The following NDST3 variants were observed in gnomAD, a reference collection of about 807,000 sequenced individuals.
NDST3 encodes bifunctional heparan sulfate N-deacetylase/N-sulfotransferase 3.
Under a neutral mutation model 96.1 loss-of-function variants are expected in NDST3, and 58 were observed. The observed-to-expected ratio is 0.60, with a 90% confidence interval of 0.49 to 0.75. The LOEUF (loss-of-function observed/expected upper bound fraction) is 0.75, where lower values mean the gene tolerates loss of function less well. Among genes scored for constraint, NDST3 ranks in the 30% least tolerant of loss-of-function variants. NDST3 has a pLI of 0.00. For missense variants in NDST3, 788 were observed against 1,034.2 expected, an observed-to-expected ratio of 0.76 and a Z score of 3.27; for synonymous variants, 333 against 359.7, an observed-to-expected ratio of 0.93 and a Z score of 0.84.
At chr4:118,194,703 G>T in intron 6 of NDST3, 1 of 571,428 alleles carries the variant, frequency 1.7e-6, no homozygotes. Flanking sequence ...ATGGGAAGAG[G>T]CGCCAACTGT....
At chr4:118,064,598 T>C (rs986302000) in intron 2 of NDST3, among the ~76,000 whole-genome samples, 1 of 152,144 alleles carries the variant, frequency 6.6e-6, no homozygotes, top group African/African-American at 2.4e-5. Flanking sequence ...CCTTAAAAGA[T>C]TATATGCTTT....
chr4:118,101,844 C>T (rs1447964754), intron 2 of NDST3, among the ~76,000 whole-genome samples: 1 of 152,030 alleles, frequency 6.6e-6, no homozygotes, highest in African/African-American at 2.4e-5. Flanking sequence ...AAATGTACAA[C>T]AATAGGATAA....
intron 4 of NDST3, among the ~76,000 whole-genome samples, chr4:118,127,025 A>C (rs1049000121): frequency 8.6e-5 from 13 of 151,906 alleles, no homozygotes; most frequent in Non-Finnish European, 1.5e-4. Flanking sequence ...CCCTTTGTCC[A>C]TTAGTTATTC....
chr4:118,202,738 G>A (rs1421392449), intron 6 of NDST3, among the ~76,000 whole-genome samples: 1 of 152,118 alleles, frequency 6.6e-6, no homozygotes, highest in Non-Finnish European at 1.5e-5. Flanking sequence ...GATTTTCTAG[G>A]TATAGAATTA....
intron 3 of NDST3, among the ~76,000 whole-genome samples, chr4:118,113,091 A>G (rs757205410): frequency 4.6e-5 from 7 of 152,200 alleles, no homozygotes; most frequent in Non-Finnish European, 8.8e-5. Flanking sequence ...AAGTTACCCA[A>G]TATTGCCAGA....
At chr4:118,250,247 T>C (rs1741602568) in intron 12 of NDST3, among the ~76,000 whole-genome samples, 1 of 152,210 alleles carries the variant, frequency 6.6e-6, no homozygotes, top group South Asian at 2.1e-4. Context: ...GTTATGTATT[T>C]TAATTTCTAA....
In NDST3 at chr4:118,255,749, G is replaced by C; in HGVS notation, c.*37G>C. On this transcript the variant is annotated 3_prime_UTR_variant, in exon 14 of 14. Transcript: ENST00000296499. ...AACTTGAGACTTCATCGTCCATGTA[G>C]AACACACCTTTTCCAAAGCTTCCAG... is the stretch of plus-strand genomic sequence containing the variant. 1 of 1,541,086 alleles carries C rather than the reference G, an allele frequency of 6.5e-7. No individual in the cohort carries two copies. Among genetic ancestry groups the C allele is most frequent in the Non-Finnish European group, 8.8e-7 (1 of 1,139,458 alleles).
chr4:118,085,855 G>A (rs1410415299), intron 2 of NDST3, among the ~76,000 whole-genome samples: 1 of 152,194 alleles, frequency 6.6e-6, no homozygotes, highest in Non-Finnish European at 1.5e-5. Flanking sequence ...CTTTCCCTGG[G>A]AGTTCAATCA....
chr4:118,112,736 G>A (rs1208660094), intron 3 of NDST3, among the ~76,000 whole-genome samples: 1 of 152,058 alleles, frequency 6.6e-6, no homozygotes, highest in Admixed American at 6.6e-5. Context: ...AATTTAGAAG[G>A]ACCCAAGAAC....
At chr4:118,169,808 A>AG (rs36092065) in intron 6 of NDST3, among the ~76,000 whole-genome samples, 4,169 of 151,148 alleles carry the variant, frequency 0.028, 216 homozygotes, top group African/African-American at 0.096. Context: ...AAAAAAAAAA[A>AG]AGAGAGCTGA....
intron 4 of NDST3, among the ~76,000 whole-genome samples, chr4:118,132,089 C>T (rs1436093404): frequency 6.6e-6 from 1 of 152,136 alleles, no homozygotes; most frequent in Non-Finnish European, 1.5e-5. Flanking sequence ...TCACTCAAGG[C>T]CCTAGGCCAC....
intron 6 of NDST3, among the ~76,000 whole-genome samples, chr4:118,146,084 T>G (rs1733922390): frequency 6.6e-6 from 1 of 152,228 alleles, no homozygotes; most frequent in African/African-American, 2.4e-5. Flanking sequence ...GGACAAAGTT[T>G]GTATTGAAAC....
At chr4:118,077,429 G>C (rs1029669054) in intron 2 of NDST3, among the ~76,000 whole-genome samples, 1 of 152,232 alleles carries the variant, frequency 6.6e-6, no homozygotes, top group African/African-American at 2.4e-5. Context: ...AGTGTTAGCA[G>C]ATAGACTCTT....
At chr4:118,143,438 G>T in intron 5 of NDST3, 118 bp from the exon 6 acceptor site, 2 of 1,007,526 alleles carry the variant, frequency 2.0e-6, no homozygotes, top group East Asian at 2.7e-5. Flanking sequence ...TCCAGGCCCT[G>T]GTTAGACCTG....
chr4:118,141,439 G>A (rs1462675222), intron 5 of NDST3, among the ~76,000 whole-genome samples: 1 of 152,074 alleles, frequency 6.6e-6, no homozygotes, highest in Non-Finnish European at 1.5e-5. Context: ...CTCCCGCTAG[G>A]GCTCTCTATG....
chr4:118,081,599 C>T (rs1185661064), intron 2 of NDST3, among the ~76,000 whole-genome samples: 1 of 152,134 alleles, frequency 6.6e-6, no homozygotes, highest in African/African-American at 2.4e-5. Flanking sequence ...GACTTAGCAG[C>T]ATCCAGAGGC....
intron 6 of NDST3, among the ~76,000 whole-genome samples, chr4:118,144,524 T>C (rs563769697): frequency 6.6e-6 from 1 of 152,110 alleles, no homozygotes; most frequent in East Asian, 1.9e-4. Context: ...AGCTCCACAA[T>C]GAACCATTTG....
At chr4:118,157,698 A>T (rs1734808261) in intron 6 of NDST3, among the ~76,000 whole-genome samples, 1 of 152,166 alleles carries the variant, frequency 6.6e-6, no homozygotes, top group African/African-American at 2.4e-5. Flanking sequence ...CTGGGATTGC[A>T]GGCATGAGCC....
chr4:118,064,985 G>A (rs948482613), intron 2 of NDST3, among the ~76,000 whole-genome samples: 2 of 152,144 alleles, frequency 1.3e-5, no homozygotes, highest in East Asian at 3.9e-4. Context: ...CTCTCAAACT[G>A]GAAAAGGTTC....
Sources: allele counts gnomAD v4.1 joint callset (sites outside exome capture counted in the v4.1 genomes callset), GRCh38; gene constraint gnomAD v4.1.1; transcripts MANE v1.5; gene names NCBI Gene and HGNC (gene_info 2026-07-23, HGNC 2026-07-21).